Variants in EPS15L1 observed in about 807,000 individuals in gnomAD.
EPS15L1 encodes epidermal growth factor receptor substrate 15-like 1.
Under a neutral mutation model 117.1 loss-of-function variants are expected in EPS15L1, and 43 were observed. The ratio of observed to expected loss-of-function variants is 0.37; its 90% CI spans 0.29 to 0.47. EPS15L1 has a LOEUF of 0.47. Ranked by LOEUF, EPS15L1 falls within the 20% of genes least tolerant of loss-of-function variation. The probability of loss-of-function intolerance (pLI) is 0.99; values close to 1 mark genes in which losing one functional copy is unlikely to be tolerated. For synonymous variants in EPS15L1, 459 were observed against 470.5 expected, an observed-to-expected ratio of 0.98 and a Z score of 0.32; for missense variants, 981 against 1,164.0, an observed-to-expected ratio of 0.84 and a Z score of 2.29.
chr19:16,372,761 G>A (rs1039866043), intron 22 of EPS15L1, among the ~76,000 whole-genome samples: 1 of 152,260 alleles, frequency 6.6e-6, no homozygotes, highest in Non-Finnish European at 1.5e-5. Context: ...ACACCCACCT[G>A]CTAGGCCTGA....
chr19:16,428,489 G>A, intron 8 of EPS15L1, among the ~76,000 whole-genome samples: 1 of 102,602 alleles, frequency 9.7e-6, no homozygotes, highest in African/African-American at 3.8e-5. Flanking sequence ...GAGAGGGAGG[G>A]AGGGAGGGAG....
In EPS15L1 at chr19:16,397,370, G is replaced by A. The variant is rs143635462; in HGVS notation, c.1792-1903C>T. 4.5e-4 allele frequency among the ~76,000 whole-genome samples: 69 copies of A among 152,292 alleles called. No individual in the cohort carries two copies. In the East Asian group the frequency reaches 0.011, roughly 25 times the overall value. On this transcript the variant is annotated intron_variant, in intron 16 of 23. Transcript: ENST00000455140. Reference sequence around the variant, plus strand: ...CTCCCAAAGTGCTGGGATTACAGGCGTGAGCCACCGCGCCCGGCTGTTTGT... The same window carrying A: ...CTCCCAAAGTGCTGGGATTACAGGCATGAGCCACCGCGCCCGGCTGTTTGT...
chr19:16,428,626 A>G (rs1490144636), intron 8 of EPS15L1, 76 bp downstream of exon 8: 2 of 1,006,702 alleles, frequency 2.0e-6, no homozygotes, highest in African/African-American at 3.2e-5. Context: ...AGAGAGAAAG[A>G]CAAACGAATC....
intron 22 of EPS15L1, among the ~76,000 whole-genome samples, chr19:16,369,637 C>T (rs572322411): frequency 2.0e-5 from 3 of 151,218 alleles, no homozygotes; most frequent in Non-Finnish European, 4.4e-5. Context: ...TACATAAAAC[C>T]TGCCAGGCAA....
chr19:16,403,772 G>T lies in EPS15L1; in HGVS notation c.1587C>A (p.Ile529=). 6.2e-7 allele frequency: 1 copy of T among 1,613,748 alleles called. No homozygotes were observed. Among genetic ancestry groups the T allele is most frequent in the South Asian group, 1.1e-5 (1 of 91,066 alleles). Residue 529 remains isoleucine, a synonymous_variant, in exon 15 of 24, where the codon ATC becomes ATA. Coordinates refer to ENST00000455140, the MANE Select transcript of EPS15L1 (RefSeq NM_001258374.3). Reference sequence around the variant, plus strand: ...CTTGCGTTGACTTCAGGGACTTGATGATGGTTTCCAGCTGGACTCGCCCAG... The same window carrying T: ...CTTGCGTTGACTTCAGGGACTTGATTATGGTTTCCAGCTGGACTCGCCCAG... ...IQAGRVQLET[I]IKSLKSTQDE...
chr19:16,368,072 C>CAGAT (rs1263515113), intron 22 of EPS15L1, among the ~76,000 whole-genome samples: 2 of 151,998 alleles, frequency 1.3e-5, no homozygotes, highest in Admixed American at 6.6e-5. Context: ...TGCAGTTCTG[C>CAGAT]AGATGAGAGA....
In EPS15L1 at chr19:16,405,328, C is replaced by T. The variant is rs1431914762; in HGVS notation, c.1267-579G>A. ...TGGAGGCATCAGAGGCTGCACCCCA[C>T]AGGCCACGCCAAGGAGACTGCGCTG... On this transcript the variant is annotated intron_variant, in intron 13 of 23. Coordinates refer to ENST00000455140, the MANE Select transcript of EPS15L1 (RefSeq NM_001258374.3). The surrounding 1 kb of genome is among the most constrained non-coding windows in gnomAD (Gnocchi z 4.0). Among the ~76,000 whole-genome samples, 1 of 152,178 alleles carries T rather than the reference C, an allele frequency of 6.6e-6. No homozygotes were observed. Among genetic ancestry groups the T allele is most frequent in the Non-Finnish European group, 1.5e-5 (1 of 68,028 alleles).
At chr19:16,361,675 G>A (rs2092053226) in intron 23 of EPS15L1, 104 bp downstream of exon 23, 17 of 1,468,562 alleles carry the variant, frequency 1.2e-5, no homozygotes, top group Non-Finnish European at 1.5e-5. Flanking sequence ...GGTACCAAGA[G>A]GCTAAAGAAG....
chr19:16,413,116 T>G lies in EPS15L1; in HGVS notation c.1266+657A>C, dbSNP rs933998058. 5.9e-6 allele frequency: 4 copies of G among 679,488 alleles called. No individual in the cohort carries two copies. The Admixed American group carries it at 7.9e-5, about 13-fold the overall frequency. The allele number at this position is 679,488 out of a possible 1,614,324, so 42.1% of individuals were successfully genotyped here. A position where few individuals can be genotyped will look rare whatever the true frequency, so the allele number is the denominator to read the frequency against. The stretch of plus-strand genomic sequence containing the variant: ...TACAATGGCCACATCGGTCTGGGTA[T>G]TAAGTGCTCCAAGGAGGCGGCCACT... On this transcript the variant is annotated intron_variant, in intron 13 of 23. Coordinates refer to ENST00000455140, the MANE Select transcript of EPS15L1 (RefSeq NM_001258374.3).
intron 16 of EPS15L1, among the ~76,000 whole-genome samples, chr19:16,395,787 T>C (rs568199464): frequency 6.6e-6 from 1 of 152,060 alleles, no homozygotes; most frequent in South Asian, 2.1e-4. Context: ...CTACTAAAAA[T>C]ACAAAAAATT....
At chr19:16,456,530 A>G (rs942495408) in intron 1 of EPS15L1, among the ~76,000 whole-genome samples, 1 of 151,046 alleles carries the variant, frequency 6.6e-6, no homozygotes, top group African/African-American at 2.4e-5. Context: ...GGTGGCGGGT[A>G]CCTGTAATCT....
chr19:16,452,871 A>G (rs1378618267), intron 1 of EPS15L1, among the ~76,000 whole-genome samples: 2 of 151,820 alleles, frequency 1.3e-5, no homozygotes, highest in African/African-American at 4.8e-5. Flanking sequence ...ATCTTGGCTC[A>G]CTGCAAGCTC....
chr19:16,355,887 C>T lies in EPS15L1; in HGVS notation c.2587-36G>A, dbSNP rs1478452534. On this transcript the variant is annotated intron_variant, in intron 23 of 23. Transcript: ENST00000455140. ...AAAACGGAGAGTGGGTGATGTGGCC[C>T]TGGGGCTGGGACCTGCAAGCTGGAG... is the stretch of plus-strand genomic sequence containing the variant. The T allele has an allele frequency of 4.6e-6, 7 of 1,530,020 alleles. No homozygotes were observed. The East Asian group carries it at 1.7e-4, about 38-fold the overall frequency. The allele number at this position is 1,530,020 out of a possible 1,614,324, so 94.8% of individuals were successfully genotyped here. A position where few individuals can be genotyped will look rare whatever the true frequency, so the allele number is the denominator to read the frequency against.
chr19:16,382,239 T>C (rs2092371349), intron 21 of EPS15L1, among the ~76,000 whole-genome samples: 1 of 152,230 alleles, frequency 6.6e-6, no homozygotes, highest in African/African-American at 2.4e-5. Flanking sequence ...AGATCACTCC[T>C]AGCTCCAGAA....
chr19:16,419,148 C>T (rs1376818916), intron 10 of EPS15L1, among the ~76,000 whole-genome samples: 12 of 152,168 alleles, frequency 7.9e-5, no homozygotes, highest in Non-Finnish European at 1.8e-4. Context: ...TGAGAGGCTC[C>T]GCGACACTCA....
At chr19:16,395,233 C>G in intron 17 of EPS15L1, 111 bp downstream of exon 17, 1 of 1,096,744 alleles carries the variant, frequency 9.1e-7, no homozygotes, top group Non-Finnish European at 1.3e-6. Context: ...ATTCCTTTCC[C>G]CCTCCATTTC....
intron 19 of EPS15L1, among the ~76,000 whole-genome samples, chr19:16,389,143 G>GAA (rs200214391): frequency 7.0e-6 from 1 of 143,804 alleles, no homozygotes; most frequent in Non-Finnish European, 1.5e-5. Context: ...GCGGAGGTTG[G>GAA]AAAAAAAAAA....
intron 1 of EPS15L1, among the ~76,000 whole-genome samples, chr19:16,459,779 G>C (rs1047905180): frequency 3.3e-5 from 5 of 152,190 alleles, no homozygotes; most frequent in African/African-American, 1.2e-4. Flanking sequence ...ACAAAGAATG[G>C]TGGGCGGGGA....
intron 16 of EPS15L1, among the ~76,000 whole-genome samples, chr19:16,400,336 C>CAAAAAAAAAAAAAAAAAAAAAAAAAAA (rs1162302779): frequency 1.6e-5 from 1 of 60,682 alleles, no homozygotes; most frequent in Admixed American, 1.9e-4. Context: ...GACTCCGTCT[C>CAAAAAAAAAAAAAAAAAAAAAAAAAAA]AAAAAAAAAA....
Sources: gnomAD v4.1 joint callset for allele counts (sites outside exome capture counted in the v4.1 genomes callset) on GRCh38, gnomAD v4.1.1 for gene constraint, Gnocchi (gnomAD v3.1) non-coding constraint, MANE v1.5 for transcripts, NCBI Gene and HGNC (gene_info 2026-07-23, HGNC 2026-07-21) for gene names.